XKR6: variants seen among roughly 807,000 people sequenced by gnomAD.
XKR6 encodes the protein XK-related protein 6.
In XKR6, 22 loss-of-function variants were observed where a neutral mutation model predicts 56.7. The observed-to-expected ratio is 0.39, with a 90% confidence interval of 0.28 to 0.55. The LOEUF is 0.55. XKR6 is among the 20% of genes least tolerant of loss of function. XKR6 has a pLI of 0.66. For synonymous variants in XKR6, 524 were observed against 387.8 expected, an observed-to-expected ratio of 1.35 and a Z score of -4.13; for missense variants, 852 against 889.0, an observed-to-expected ratio of 0.96 and a Z score of 0.53.
At chr8:10,900,926 C>T (rs1006553074) in intron 2 of XKR6, among the ~76,000 whole-genome samples, 2 of 145,144 alleles carry the variant, frequency 1.4e-5, no homozygotes, top group Admixed American at 1.4e-4. Flanking sequence ...ATAATCATTG[C>T]TCACTGAAGC....
intron 1 of XKR6, among the ~76,000 whole-genome samples, chr8:10,954,603 G>C (rs1801818516): frequency 6.6e-6 from 1 of 152,022 alleles, no homozygotes; most frequent in Admixed American, 6.6e-5. Context: ...TCATTCTATG[G>C]GTTGTCTTTT....
At chr8:11,180,263 T>G (rs895069497) in intron 1 of XKR6, among the ~76,000 whole-genome samples, 1 of 152,128 alleles carries the variant, frequency 6.6e-6, no homozygotes, top group African/African-American at 2.4e-5. Context: ...ACAGAAGAGG[T>G]AACAAGAGAG....
At chr8:11,125,216 T>G (rs936505000) in intron 1 of XKR6, among the ~76,000 whole-genome samples, 6 of 152,070 alleles carry the variant, frequency 3.9e-5, no homozygotes, top group African/African-American at 1.4e-4. Context: ...CTGCTCACCC[T>G]GCTAAGGACC....
chr8:10,957,202 C>T (rs570941826), intron 1 of XKR6, among the ~76,000 whole-genome samples: 1 of 152,296 alleles, frequency 6.6e-6, no homozygotes, highest in African/African-American at 2.4e-5. Context: ...CCACCAGCTT[C>T]GGCCTCCTGA....
rs546000024 is a variant in XKR6, at chr8:11,157,143, G to A, written c.764+43433C>T. Among the ~76,000 whole-genome samples, 124 of 152,258 alleles carry A rather than the reference G, an allele frequency of 8.1e-4. 1 individual carries two copies. Among genetic ancestry groups the A allele is most frequent in the African/African-American group, 2.9e-3 (122 of 41,546 alleles). On this transcript the variant is annotated intron_variant, in intron 1 of 2. Transcript: ENST00000416569. The stretch of plus-strand genomic sequence containing the variant: ...TTGACAAACATCCTACAAAATGCCT[G>A]ACCAGCAAGCCTCCAAACTGTCAGG...
chr8:11,085,430 G>T (rs1467495098), intron 1 of XKR6, among the ~76,000 whole-genome samples: 1 of 151,882 alleles, frequency 6.6e-6, no homozygotes, highest in Admixed American at 6.5e-5. Flanking sequence ...GCTTGTCAGA[G>T]GTGAAAGAGG....
intron 1 of XKR6, among the ~76,000 whole-genome samples, chr8:10,968,088 C>T (rs1487662066): frequency 6.6e-6 from 1 of 152,200 alleles, no homozygotes; most frequent in Non-Finnish European, 1.5e-5. Context: ...CCTGTTGCTG[C>T]TCCCCCTGGT....
intron 1 of XKR6, among the ~76,000 whole-genome samples, chr8:11,122,984 C>T (rs1425491858): frequency 6.6e-6 from 1 of 152,156 alleles, no homozygotes; most frequent in Non-Finnish European, 1.5e-5. Context: ...CGCCTGTAAT[C>T]CCAGCACTTT....
chr8:11,103,957 C>G (rs1001985501), intron 1 of XKR6, among the ~76,000 whole-genome samples: 1 of 152,182 alleles, frequency 6.6e-6, no homozygotes, highest in Non-Finnish European at 1.5e-5. Context: ...AGCTGTCGTA[C>G]CCTTGGGAGG....
chr8:11,152,776 G>A (rs1015802171), intron 1 of XKR6, among the ~76,000 whole-genome samples: 2 of 152,124 alleles, frequency 1.3e-5, no homozygotes, highest in Non-Finnish European at 2.9e-5. Flanking sequence ...TTTCTTTTCT[G>A]GTCATTCCTT....
At chr8:11,057,091 G>A (rs910523730) in intron 1 of XKR6, among the ~76,000 whole-genome samples, 1 of 152,142 alleles carries the variant, frequency 6.6e-6, no homozygotes, top group East Asian at 1.9e-4. Context: ...CTCAAAAGCC[G>A]TTCTTGATGC....
In XKR6 at chr8:11,065,091, G is replaced by A. The variant is rs182854273; in HGVS notation, c.764+135485C>T. 2.3e-3 allele frequency among the ~76,000 whole-genome samples: 343 copies of A among 152,270 alleles called. 3 individuals are homozygous for A. The highest frequency in any genetic ancestry group is 3.5e-3 in the Non-Finnish European group (236 of 68,012). ...TATTGTAAAAATAAAGACAAGACAT[G>A]CTAAATGGGATATGTGTGTGGAAGG... On this transcript the variant is annotated intron_variant, in intron 1 of 2. Transcript: ENST00000416569.
chr8:11,076,478 G>T (rs1468536292), intron 1 of XKR6, among the ~76,000 whole-genome samples: 1 of 152,192 alleles, frequency 6.6e-6, no homozygotes, highest in East Asian at 1.9e-4. Flanking sequence ...GAGGAGCAGT[G>T]ACGCCATGAG....
chr8:10,980,062 C>A (rs115914694), intron 1 of XKR6, among the ~76,000 whole-genome samples: 2,865 of 152,330 alleles, frequency 0.019, 88 homozygotes, highest in African/African-American at 0.063. Flanking sequence ...CTGAGATGAA[C>A]AGACAGGGGA....
At chr8:10,950,894 CTACATT>C (rs2129126912) in intron 1 of XKR6, among the ~76,000 whole-genome samples, 1 of 152,322 alleles carries the variant, frequency 6.6e-6, no homozygotes, top group African/African-American at 2.4e-5. Context: ...GGTACTGTCA[CTACATT>C]TTTCTACACA....
At chr8:10,988,489 C>A (rs368940976) in intron 1 of XKR6, among the ~76,000 whole-genome samples, 5 of 152,200 alleles carry the variant, frequency 3.3e-5, no homozygotes, top group African/African-American at 1.2e-4. Flanking sequence ...TGCAGGAGAA[C>A]TGAGAACCCC....
intron 2 of XKR6, among the ~76,000 whole-genome samples, chr8:10,902,993 T>C (rs934669617): frequency 1.3e-5 from 2 of 152,186 alleles, no homozygotes; most frequent in South Asian, 4.1e-4. Flanking sequence ...AGTCAATCCC[T>C]GAGAAGAGAC....
intron 1 of XKR6, among the ~76,000 whole-genome samples, chr8:10,959,437 A>T (rs1266591631): frequency 6.6e-6 from 1 of 152,126 alleles, no homozygotes; most frequent in Non-Finnish European, 1.5e-5. Context: ...TGGCTTAAAC[A>T]CTGGATATTT....
chr8:11,053,847 CGA>C (rs1799615295), intron 1 of XKR6, among the ~76,000 whole-genome samples: 1 of 152,184 alleles, frequency 6.6e-6, no homozygotes, highest in Admixed American at 6.5e-5. Flanking sequence ...GAAGAGAAGG[CGA>C]GATATTACCT....
Sources: gnomAD v4.1 joint callset for allele counts (sites outside exome capture counted in the v4.1 genomes callset) on GRCh38, gnomAD v4.1.1 for gene constraint, MANE v1.5 for transcripts, NCBI Gene and HGNC (gene_info 2026-07-23, HGNC 2026-07-21) for gene names.